The following SLC25A21 variants were observed in gnomAD, a reference collection of about 807,000 sequenced individuals.
SLC25A21 encodes solute carrier family 25 member 21, also known as mitochondrial 2-oxodicarboxylate carrier.
In SLC25A21, 47 loss-of-function variants were observed where a neutral mutation model predicts 43.8. The ratio of observed to expected loss-of-function variants is 1.07; its 90% confidence interval spans 0.85 to 1.37. The LOEUF (loss-of-function observed/expected upper bound fraction) is 1.37. Ranked by LOEUF, SLC25A21 falls within the 40% of genes most tolerant of loss-of-function variation. The pLI is 0.00. For missense variants in SLC25A21, 352 were observed against 350.2 expected (o/e 1.00, Z -0.04); for synonymous variants, 131 against 121.3 (o/e 1.08, Z -0.52).
At chr14:37,007,214 G>A (rs1019755996) in intron 1 of SLC25A21, among the ~76,000 whole-genome samples, 8 of 152,128 alleles carry the variant, frequency 5.3e-5, no homozygotes, top group Non-Finnish European at 1.2e-4. Context: ...AACAATAGTC[G>A]GCCAGATTAC....
intron 3 of SLC25A21, among the ~76,000 whole-genome samples, chr14:36,807,360 G>C (rs1276458810): frequency 1.3e-5 from 2 of 152,198 alleles, no homozygotes; most frequent in African/African-American, 4.8e-5. Flanking sequence ...CAGGAGAGTT[G>C]AGAGGGGAGA....
chr14:37,024,094 G>GA (rs1961043204), intron 1 of SLC25A21, among the ~76,000 whole-genome samples: 1 of 152,182 alleles, frequency 6.6e-6, no homozygotes, highest in East Asian at 1.9e-4. Flanking sequence ...ATCACTGAGG[G>GA]AAAAAAATGC....
At chr14:36,683,041 C>T (rs1882354486) in intron 9 of SLC25A21, among the ~76,000 whole-genome samples, 1 of 152,014 alleles carries the variant, frequency 6.6e-6, no homozygotes, top group Non-Finnish European at 1.5e-5. Flanking sequence ...GGAGAAGGTT[C>T]TAGGAAATAT....
chr14:36,796,903 C>G (rs1380133246), intron 3 of SLC25A21, among the ~76,000 whole-genome samples: 3 of 152,172 alleles, frequency 2.0e-5, no homozygotes, highest in East Asian at 1.9e-4. Context: ...AGCGAGTAAG[C>G]CTGGCTTCCA....
chr14:36,798,657 A>G (rs898163516), intron 3 of SLC25A21, among the ~76,000 whole-genome samples: 4 of 152,082 alleles, frequency 2.6e-5, no homozygotes, highest in African/African-American at 9.7e-5. Flanking sequence ...GTATTCTTAG[A>G]AGGCTGGTAA....
At chr14:36,933,689 G>A (rs1336017706) in intron 1 of SLC25A21, among the ~76,000 whole-genome samples, 1 of 152,118 alleles carries the variant, frequency 6.6e-6, no homozygotes, top group African/African-American at 2.4e-5. Flanking sequence ...AACTGAGCAA[G>A]AGGAATCAGG....
At chr14:36,929,820 CTA>C (rs1892239574) in intron 1 of SLC25A21, among the ~76,000 whole-genome samples, 1 of 152,148 alleles carries the variant, frequency 6.6e-6, no homozygotes, top group Non-Finnish European at 1.5e-5. Flanking sequence ...GACAGTCAGT[CTA>C]TCCTTTCACC....
intron 3 of SLC25A21, among the ~76,000 whole-genome samples, chr14:36,800,423 C>CT (rs1887829048): frequency 6.6e-6 from 1 of 152,102 alleles, no homozygotes; most frequent in Non-Finnish European, 1.5e-5. Context: ...ATGATGCATG[C>CT]TACAATACAG....
intron 9 of SLC25A21, 117 bp from the exon 10 acceptor site, chr14:36,680,836 A>G: frequency 1.3e-6 from 1 of 793,448 alleles, no homozygotes. Flanking sequence ...GCTGTTCGGA[A>G]TCAACAGTTC....
intron 1 of SLC25A21, among the ~76,000 whole-genome samples, chr14:37,015,015 G>C (rs907912488): frequency 6.6e-6 from 1 of 151,940 alleles, no homozygotes; most frequent in East Asian, 1.9e-4. Context: ...CCATTTATAG[G>C]GCACAGCAGA....
intron 1 of SLC25A21, among the ~76,000 whole-genome samples, chr14:37,060,423 A>AATT (rs1555344633): frequency 7.3e-6 from 1 of 136,314 alleles, no homozygotes. Flanking sequence ...TAATAATAAT[A>AATT]ATGATGTAAC....
intron 1 of SLC25A21, among the ~76,000 whole-genome samples, chr14:36,966,993 T>C (rs10131318): frequency 0.27 from 41,266 of 152,070 alleles, 6,143 homozygotes; most frequent in Middle Eastern, 0.33. Context: ...GAAATATATA[T>C]ATGTATATCC....
chr14:36,752,451 G>A (rs571705914), intron 3 of SLC25A21, among the ~76,000 whole-genome samples: 2 of 152,276 alleles, frequency 1.3e-5, no homozygotes, highest in African/African-American at 4.8e-5. Context: ...GTACACCCAT[G>A]CTCATAACAG....
At chr14:36,927,472 C>G (rs1474211524) in intron 1 of SLC25A21, among the ~76,000 whole-genome samples, 1 of 152,100 alleles carries the variant, frequency 6.6e-6, no homozygotes, top group Non-Finnish European at 1.5e-5. Flanking sequence ...GGTGAAGGGA[C>G]GAAATGGTTT....
chr14:36,689,434 T>TA (rs1377291253), intron 7 of SLC25A21, among the ~76,000 whole-genome samples: 1 of 152,208 alleles, frequency 6.6e-6, no homozygotes, highest in African/African-American at 2.4e-5. Context: ...CTGTTGATTT[T>TA]ATTAGGCTTG....
chr14:36,729,490 TA>T lies in SLC25A21; in HGVS notation c.330+16del. On this transcript the variant is annotated intron_variant, in intron 5 of 9. Transcript: ENST00000331299. ...AAATAACACACACATTTAAGTATAA[TA>T]AATACTCTCACTTACCAATGCTGGT... 1 of 1,579,736 alleles carries T rather than the reference TA, an allele frequency of 6.3e-7. No homozygotes were observed. Among genetic ancestry groups the T allele is most frequent in the Non-Finnish European group, 8.6e-7 (1 of 1,159,864 alleles).
intron 2 of SLC25A21, among the ~76,000 whole-genome samples, chr14:36,821,068 T>C (rs2138460475): frequency 6.6e-6 from 1 of 152,326 alleles, no homozygotes; most frequent in East Asian, 1.9e-4. Context: ...TATGAGTTGG[T>C]TGAGCATAGC....
intron 1 of SLC25A21, among the ~76,000 whole-genome samples, chr14:37,041,631 A>G (rs12892728): frequency 0.4 from 60,216 of 152,146 alleles, 12,714 homozygotes; most frequent in African/African-American, 0.55. Context: ...AACTAAATAT[A>G]TAAAAGAGAA....
chr14:37,030,258 T>G (rs1961182836), intron 1 of SLC25A21, among the ~76,000 whole-genome samples: 1 of 152,150 alleles, frequency 6.6e-6, no homozygotes, highest in Admixed American at 6.5e-5. Context: ...TTGAATAGAC[T>G]GAGGAGGAAG....
Sources: allele counts gnomAD v4.1 joint callset (sites outside exome capture counted in the v4.1 genomes callset), GRCh38; gene constraint gnomAD v4.1.1; transcripts MANE v1.5; gene names NCBI Gene and HGNC (gene_info 2026-07-23, HGNC 2026-07-21).